JARID2: variants seen among roughly 807,000 people sequenced by gnomAD.
JARID2 encodes the protein jumonji and AT-rich interaction domain containing 2.
In JARID2, 21 loss-of-function variants were observed where a neutral mutation model predicts 125.6. That is an observed-to-expected ratio of 0.17 (90% confidence interval 0.12 to 0.24). The LOEUF is 0.24. JARID2 is among the 10% of genes least tolerant of loss of function. JARID2 has a pLI of 1.00. For missense variants in JARID2, 1,303 were observed against 1,639.6 expected (o/e 0.79, Z 3.55); for synonymous variants, 736 against 661.6 (o/e 1.11, Z -1.73).
At chr6:15,519,993 C>T (rs969804095) in intron 17 of JARID2, 76 bp from the exon 18 acceptor site, 3 of 1,301,054 alleles carry the variant, frequency 2.3e-6, no homozygotes, top group African/African-American at 3.0e-5. Context: ...CCTAAACTTG[C>T]CCCTGCATGG....
At chr6:15,473,300 A>G (rs1238417415) in intron 5 of JARID2, among the ~76,000 whole-genome samples, 1 of 152,362 alleles carries the variant, frequency 6.6e-6, no homozygotes, top group South Asian at 2.1e-4. Flanking sequence ...TCTGAAAGAT[A>G]GCACAGATGA....
chr6:15,368,774 C>A (rs760025292), intron 1 of JARID2: 2 of 468,292 alleles, frequency 4.3e-6, no homozygotes, highest in East Asian at 6.3e-5. Context: ...TAATACTGGC[C>A]GCATGGGATG....
At position 15,490,895 on chromosome 6, in the gene JARID2, G is replaced by A. The variant is rs558487674; in HGVS notation, c.906+3353G>A. Among the ~76,000 whole-genome samples, 332 of 152,322 alleles carry A rather than the reference G, an allele frequency of 2.2e-3. 2 individuals carry two copies. The highest frequency in any genetic ancestry group is 7.6e-3 in the African/African-American group (316 of 41,566). ...AAGCCAGGATATTGAACCAGATGTG[G>A]CCACATGTGATTCTCATTTCTTACG... is the stretch of plus-strand genomic sequence containing the variant. On this transcript the variant is annotated intron_variant, in intron 6 of 17. Transcript: ENST00000341776.
chr6:15,514,713 G>A (rs1284168785), intron 16 of JARID2, among the ~76,000 whole-genome samples: 1 of 152,130 alleles, frequency 6.6e-6, no homozygotes, highest in African/African-American at 2.4e-5. Context: ...ACCTAAGGAC[G>A]CAAATCACAT....
At chr6:15,482,021 C>G (rs1769644088) in intron 5 of JARID2, among the ~76,000 whole-genome samples, 2 of 152,152 alleles carry the variant, frequency 1.3e-5, no homozygotes, top group African/African-American at 2.4e-5. Flanking sequence ...AAAATACAAT[C>G]AAAGAGTTGT....
intron 2 of JARID2, among the ~76,000 whole-genome samples, chr6:15,400,065 C>A (rs2127553864): frequency 6.6e-6 from 1 of 152,328 alleles, no homozygotes; most frequent in East Asian, 1.9e-4. Flanking sequence ...CCTTTTTCAC[C>A]CCTCCCAGCA....
intron 7 of JARID2, 145 bp downstream of exon 7, chr6:15,497,315 A>G (rs2127736663): frequency 1.5e-6 from 1 of 677,050 alleles, no homozygotes; most frequent in Non-Finnish European, 2.5e-6. Flanking sequence ...TTCTCAGCTC[A>G]TTCCCCCTGC....
chr6:15,506,148 C>A (rs1770995251), intron 9 of JARID2, among the ~76,000 whole-genome samples: 1 of 152,226 alleles, frequency 6.6e-6, no homozygotes, highest in Non-Finnish European at 1.5e-5. Flanking sequence ...TGCCTAGCTT[C>A]TTGTGCTCTG....
intron 3 of JARID2, 41 bp from the exon 4 acceptor site, chr6:15,451,965 T>G: frequency 6.2e-7 from 1 of 1,600,492 alleles, no homozygotes; most frequent in Non-Finnish European, 8.5e-7. Flanking sequence ...TATCCTCCAG[T>G]CTCTGCTTAA....
chr6:15,515,601 CAG>C (rs1302541473), intron 16 of JARID2, among the ~76,000 whole-genome samples: 1 of 152,024 alleles, frequency 6.6e-6, no homozygotes, highest in Non-Finnish European at 1.5e-5. Context: ...GCCTGGGTGA[CAG>C]AGGGAGACTA....
chr6:15,284,900 T>A (rs947992567), intron 1 of JARID2, among the ~76,000 whole-genome samples: 2 of 152,106 alleles, frequency 1.3e-5, no homozygotes, highest in African/African-American at 4.8e-5. Context: ...GAGCTTGCCC[T>A]TCAACAAACA....
intron 2 of JARID2, among the ~76,000 whole-genome samples, chr6:15,388,912 T>A: frequency 6.6e-6 from 1 of 152,118 alleles, no homozygotes; most frequent in Non-Finnish European, 1.5e-5. Context: ...CCTGCCCTTG[T>A]CATCTGGGTA....
At chr6:15,510,838 A>T (rs764803391) in intron 12 of JARID2, among the ~76,000 whole-genome samples, 2 of 152,170 alleles carry the variant, frequency 1.3e-5, no homozygotes, top group Non-Finnish European at 2.9e-5. Flanking sequence ...TCCTGTCTGG[A>T]GGGCCGAGGG....
intron 1 of JARID2, among the ~76,000 whole-genome samples, chr6:15,303,705 A>G (rs1049359884): frequency 1.3e-5 from 2 of 152,246 alleles, no homozygotes; most frequent in Non-Finnish European, 2.9e-5. Context: ...CTCCGCTCCC[A>G]AGGACAAAAC....
intron 3 of JARID2, among the ~76,000 whole-genome samples, chr6:15,422,824 G>T (rs1356902547): frequency 1.3e-5 from 2 of 152,092 alleles, no homozygotes; most frequent in Non-Finnish European, 2.9e-5. Flanking sequence ...CTGCTTATGT[G>T]ACTCTGTTTT....
At chr6:15,508,276 ACTG>A in intron 11 of JARID2, 61 bp from the exon 12 acceptor site, 1 of 814,908 alleles carries the variant, frequency 1.2e-6, no homozygotes, top group Admixed American at 1.8e-5. Context: ...ATTTTTACTT[ACTG>A]TTCCTTTGAG....
chr6:15,349,843 C>G (rs1763366326), intron 1 of JARID2, among the ~76,000 whole-genome samples: 2 of 152,152 alleles, frequency 1.3e-5, no homozygotes, highest in South Asian at 4.1e-4. Flanking sequence ...AGCTTGAATC[C>G]TTGCAGGTAC....
At chr6:15,306,339 T>C (rs1761825234) in intron 1 of JARID2, among the ~76,000 whole-genome samples, 1 of 147,592 alleles carries the variant, frequency 6.8e-6, no homozygotes. Flanking sequence ...TTTTTTTTTT[T>C]TTTTTTTTTT....
At chr6:15,301,565 G>A (rs977843495) in intron 1 of JARID2, among the ~76,000 whole-genome samples, 1 of 152,180 alleles carries the variant, frequency 6.6e-6, no homozygotes. Context: ...CATGAAATGA[G>A]TATTGTTGAC....
Sources: gnomAD v4.1 joint callset for allele counts (sites outside exome capture counted in the v4.1 genomes callset) on GRCh38, gnomAD v4.1.1 for gene constraint, MANE v1.5 for transcripts, NCBI Gene and HGNC (gene_info 2026-07-23, HGNC 2026-07-21) for gene names.